The following KIF15 variants were observed in gnomAD, a reference collection of about 807,000 sequenced individuals.
KIF15 encodes kinesin-like protein KIF15.
Under a neutral mutation model 190.6 loss-of-function variants are expected in KIF15, and 140 were observed. The ratio of observed to expected loss-of-function variants is 0.73; its 90% confidence interval spans 0.64 to 0.84. KIF15 has a LOEUF of 0.84. KIF15 is among the 40% of genes least tolerant of loss of function. The pLI, the probability that KIF15 is intolerant of heterozygous loss-of-function variation, is 0.00. For missense variants in KIF15, 1,372 were observed against 1,584.4 expected, an observed-to-expected ratio of 0.87 and a Z score of 2.28; for synonymous variants, 528 against 551.3, an observed-to-expected ratio of 0.96 and a Z score of 0.59.
chr3:44,830,712 G>C (rs2125699116), intron 25 of KIF15, among the ~76,000 whole-genome samples, 184 bp from the exon 26 acceptor site: 1 of 152,238 alleles, frequency 6.6e-6, no homozygotes, highest in Non-Finnish European at 1.5e-5. Flanking sequence ...CTGATACTTA[G>C]AGGACTTTTC....
chr3:44,861,755 G>C, intron 6 of KIF15: 2 of 696,730 alleles, frequency 2.9e-6, no homozygotes, highest in East Asian at 6.7e-5. Context: ...CCACAGCCCA[G>C]GGTCTCTGCC....
At chr3:44,865,136 A>G (rs1293661897) in intron 6 of KIF15, 1 of 1,614,086 alleles carries the variant, frequency 6.2e-7, no homozygotes, top group East Asian at 2.2e-5. Flanking sequence ...AATCCACAGG[A>G]AGCTCCCACC....
At chr3:44,817,515 TG>T (rs1451590881) in intron 20 of KIF15, among the ~76,000 whole-genome samples, 7 of 152,216 alleles carry the variant, frequency 4.6e-5, no homozygotes, top group Admixed American at 3.9e-4. Context: ...CCCCATTTCT[TG>T]TTTTTCTCAG....
chr3:44,780,897 C>T lies in KIF15; in HGVS notation c.336C>T (p.Gly112=), dbSNP rs1706131062. 1.2e-6 allele frequency: 2 copies of T among 1,601,016 alleles called. No homozygotes were observed. Among genetic ancestry groups the T allele is most frequent in the Non-Finnish European group, 1.7e-6 (2 of 1,171,000 alleles). ...NGTIFAYGQT[G]SGKTFTMMGP... is the part of the protein sequence containing the mutation. ...ACATTTTTTACAGTGGACAGACTGG[C>T]TCAGGGAAGACATTTACTATGATGG... Residue 112 remains glycine (G), a synonymous_variant, in exon 5 of 35, where the codon GGC becomes GGT. Transcript: ENST00000326047.
chr3:44,851,818 A>C lies in KIF15; in HGVS notation c.3838A>C (p.Lys1280Gln), dbSNP rs759589437. The C allele has an allele frequency of 2.5e-6, 4 of 1,613,932 alleles. No individual in the cohort carries two copies. In the Admixed American group the frequency reaches 6.7e-5, roughly 27 times the overall value. Residue 1280 changes from lysine (K) to glutamine (Q), a missense_variant, in exon 33 of 35, where the codon AAA (lysine) becomes CAA (glutamine). By Grantham distance (53) the Lys-to-Gln change is moderately conservative. Transcript: ENST00000326047. ...LEEVQSALYN[K>Q]EMECLRMTDE... Reference sequence around the variant, plus strand: ...AGAAGTCCAAAGTGCCCTTTACAACAAAGAGATGGAATGCCTTAGAATGAC... The same window carrying C: ...AGAAGTCCAAAGTGCCCTTTACAACCAAGAGATGGAATGCCTTAGAATGAC...
intron 14 of KIF15, among the ~76,000 whole-genome samples, chr3:44,803,423 T>C (rs1389392233): frequency 6.6e-6 from 1 of 152,204 alleles, no homozygotes; most frequent in East Asian, 1.9e-4. Context: ...AGTGTTTGGG[T>C]CCTGATGTTG....
downstream of KIF15, among the ~76,000 whole-genome samples, chr3:44,853,621 G>T (rs769894153): frequency 7.0e-4 from 107 of 152,290 alleles, no homozygotes; most frequent in Non-Finnish European, 1.4e-3. Flanking sequence ...TTAAGACATT[G>T]CCTGTTTTCC....
intron 19 of KIF15, 23 bp downstream of exon 19, chr3:44,813,203 T>C (rs757990646): frequency 1.5e-5 from 20 of 1,363,792 alleles, no homozygotes; most frequent in Admixed American, 9.6e-5. Context: ...ATCAGGAGCT[T>C]TGTGACTTGA....
At chr3:44,834,740 C>T (rs182649434) in intron 26 of KIF15, among the ~76,000 whole-genome samples, 8 of 149,776 alleles carry the variant, frequency 5.3e-5, no homozygotes, top group Admixed American at 1.3e-4. Context: ...CTGGTTAACA[C>T]GGTGAAACCC....
chr3:44,772,989 C>G (rs957225776), intron 1 of KIF15, among the ~76,000 whole-genome samples: 6 of 152,194 alleles, frequency 3.9e-5, no homozygotes, highest in Admixed American at 6.5e-5. Flanking sequence ...AGGTACCCCT[C>G]TTTCTGACAG....
At chr3:44,828,125 T>A (rs568543645) in intron 23 of KIF15, 89 bp from the exon 24 acceptor site, 2 of 883,536 alleles carry the variant, frequency 2.3e-6, no homozygotes, top group African/African-American at 1.7e-5. Flanking sequence ...CTCTATAATA[T>A]GAAAAGCTGC....
At chr3:44,814,217 T>C (rs1707927882) in intron 19 of KIF15, among the ~76,000 whole-genome samples, 1 of 152,264 alleles carries the variant, frequency 6.6e-6, no homozygotes. Flanking sequence ...TTGGAAAGTT[T>C]AGGCAAATTT....
At chr3:44,816,087 T>A (rs906113002) in intron 20 of KIF15, among the ~76,000 whole-genome samples, 1 of 152,154 alleles carries the variant, frequency 6.6e-6, no homozygotes, top group African/African-American at 2.4e-5. Flanking sequence ...AAATGCATAA[T>A]TATTACTAAT....
At chr3:44,792,202 G>A (rs953968327) in intron 7 of KIF15, among the ~76,000 whole-genome samples, 4 of 152,058 alleles carry the variant, frequency 2.6e-5, no homozygotes, top group African/African-American at 4.8e-5. Flanking sequence ...ATAGCTGGGC[G>A]CAGTGGCTTA....
chr3:44,852,865 G>T lies in KIF15; in HGVS notation c.*130G>T, dbSNP rs917914964. The stretch of plus-strand genomic sequence containing the variant: ...TTAATTATTAAATGTTTATAAGGTG[G>T]TGGTAACCACCTCAAGTTTCTGATG... On this transcript the variant is annotated 3_prime_UTR_variant, in exon 35 of 35. Coordinates refer to ENST00000326047, the MANE Select transcript of KIF15 (RefSeq NM_020242.3). The T allele has an allele frequency of 1.5e-6, 1 of 652,714 alleles. No homozygotes were observed. The highest frequency in any genetic ancestry group is 2.5e-6 in the Non-Finnish European group (1 of 402,792). The allele number at this position is 652,714 out of a possible 1,614,324, so 40.4% of individuals were successfully genotyped here. A position where few individuals can be genotyped will look rare whatever the true frequency, so the allele number is the denominator to read the frequency against.
At chr3:44,817,481 CATTT>C (rs1473467950) in intron 20 of KIF15, among the ~76,000 whole-genome samples, 3 of 152,154 alleles carry the variant, frequency 2.0e-5, no homozygotes, top group Non-Finnish European at 4.4e-5. Context: ...TTCCCAGCAC[CATTT>C]ATTAAACAGG....
intron 8 of KIF15, among the ~76,000 whole-genome samples, chr3:44,794,994 T>C (rs1431823556): frequency 6.6e-6 from 1 of 152,054 alleles, no homozygotes; most frequent in African/African-American, 2.4e-5. Context: ...TGTTAACTGA[T>C]ATATGACCAT....
intron 33 of KIF15, 89 bp from the exon 34 acceptor site, chr3:44,852,119 G>T: frequency 6.7e-7 from 1 of 1,497,492 alleles, no homozygotes; most frequent in Non-Finnish European, 9.0e-7. Flanking sequence ...CTGACTTCCT[G>T]TGCTCCTGGA....
At chr3:44,791,865 C>T (rs1706717786) in intron 7 of KIF15, among the ~76,000 whole-genome samples, 1 of 152,026 alleles carries the variant, frequency 6.6e-6, no homozygotes. Flanking sequence ...TTATAGCTGT[C>T]TGCCACCACG....
Sources: gnomAD v4.1 joint callset for allele counts (sites outside exome capture counted in the v4.1 genomes callset) on GRCh38, gnomAD v4.1.1 for gene constraint, MANE v1.5 for transcripts, NCBI Gene and HGNC (gene_info 2026-07-23, HGNC 2026-07-21) for gene names.